Variants in GRAMD1C observed in about 807,000 individuals in gnomAD.
GRAMD1C encodes GRAM domain containing 1C.
Under a neutral mutation model 97.8 loss-of-function variants are expected in GRAMD1C, and 89 were observed. The ratio of observed to expected loss-of-function variants is 0.91; its 90% CI spans 0.77 to 1.09. The LOEUF is 1.09. Among genes scored for constraint, GRAMD1C ranks in the 50% least tolerant of loss-of-function variants. The pLI, the probability that GRAMD1C is intolerant of heterozygous loss-of-function variation, is 0.00. For missense variants in GRAMD1C, 740 were observed against 766.4 expected (o/e 0.97, Z 0.41); for synonymous variants, 256 against 267.0 (o/e 0.96, Z 0.40).
At chr3:113,925,893 C>T (rs887743941) in intron 10 of GRAMD1C, among the ~76,000 whole-genome samples, 2 of 152,160 alleles carry the variant, frequency 1.3e-5, no homozygotes, top group African/African-American at 4.8e-5. Context: ...GAATATAGGC[C>T]CTCAAGCCCT....
At chr3:113,834,927 G>GA (rs1437191185), upstream of GRAMD1C, among the ~76,000 whole-genome samples, 10 of 116,176 alleles carry the variant, frequency 8.6e-5, no homozygotes, top group Admixed American at 4.0e-4. Flanking sequence ...TGACAAAAGT[G>GA]AAACTCCGTC....
intron 5 of GRAMD1C, among the ~76,000 whole-genome samples, chr3:113,878,441 A>G (rs2566976): frequency 0.79 from 120,599 of 152,034 alleles, 48,008 homozygotes; most frequent in Middle Eastern, 0.89. Context: ...ATTGCTATGG[A>G]GTTGGGGGAG....
intron 5 of GRAMD1C, among the ~76,000 whole-genome samples, chr3:113,881,974 T>G (rs1426520692): frequency 6.6e-6 from 1 of 152,178 alleles, no homozygotes; most frequent in Non-Finnish European, 1.5e-5. Context: ...CTTAATAAAA[T>G]AACTTAATCC....
At chr3:113,910,033 C>G (rs913567824) in intron 9 of GRAMD1C, among the ~76,000 whole-genome samples, 2 of 152,076 alleles carry the variant, frequency 1.3e-5, no homozygotes, top group Non-Finnish European at 2.9e-5. Flanking sequence ...GAGGAACATT[C>G]TATATTTGAA....
chr3:113,867,995 C>T (rs191783643), intron 2 of GRAMD1C, among the ~76,000 whole-genome samples: 5 of 152,226 alleles, frequency 3.3e-5, no homozygotes, highest in South Asian at 2.1e-4. Context: ...TTCTGTCCTT[C>T]GAATTTGATA....
At chr3:113,865,775 G>C (rs1399677858) in intron 2 of GRAMD1C, among the ~76,000 whole-genome samples, 1 of 151,748 alleles carries the variant, frequency 6.6e-6, no homozygotes, top group East Asian at 1.9e-4. Context: ...TATTTTTGTG[G>C]CAGCATTTTG....
chr3:113,902,119 A>G (rs776766194), intron 7 of GRAMD1C, among the ~76,000 whole-genome samples: 4 of 152,234 alleles, frequency 2.6e-5, no homozygotes, highest in African/African-American at 4.8e-5. Context: ...TGTGTGGATT[A>G]TATCTTAAAA....
At chr3:113,920,131 G>A (rs990972311) in intron 10 of GRAMD1C, 24 of 1,398,360 alleles carry the variant, frequency 1.7e-5, no homozygotes, top group Admixed American at 3.8e-5. Flanking sequence ...TGAGGAAACA[G>A]AGAAAAAACT....
intron 6 of GRAMD1C, among the ~76,000 whole-genome samples, chr3:113,886,636 A>C (rs759512021): frequency 2.6e-5 from 4 of 152,138 alleles, no homozygotes; most frequent in Non-Finnish European, 4.4e-5. Flanking sequence ...AAAAAAAATA[A>C]ATTAGAAAAA....
At chr3:113,907,239 T>C (rs1936403265) in intron 8 of GRAMD1C, among the ~76,000 whole-genome samples, 1 of 152,200 alleles carries the variant, frequency 6.6e-6, no homozygotes, top group Non-Finnish European at 1.5e-5. Flanking sequence ...CAGTATCTCC[T>C]CTGAGTAAAT....
At position 113,838,850 on chromosome 3, in the gene GRAMD1C, G is replaced by C; in HGVS notation, c.-60G>C. On this transcript the variant is annotated 5_prime_UTR_variant, in exon 1 of 18. Transcript: ENST00000358160. ...AACTCGCAGCGCGCGCTGGAGGTGG[G>C]CGCGGGGCGGTGCGGTGCGGTGCGC... 8.4e-7 allele frequency: 1 copy of C among 1,196,766 alleles called. No homozygotes were observed. Among genetic ancestry groups the C allele is most frequent in the Non-Finnish European group, 1.0e-6 (1 of 957,158 alleles). 74.1% of individuals were successfully genotyped at this position (1,196,766 alleles called of 1,614,324 possible). A position where few individuals can be genotyped will look rare whatever the true frequency, so the allele number is the denominator to read the frequency against.
In GRAMD1C at chr3:113,869,859, T is replaced by G. The variant is rs1934726542; in HGVS notation, c.259+268T>G. Reference sequence around the variant, plus strand: ...GATATGGAATCAACCTAAGTAGCCATCAATGGATGAATGGATAAAGAAATT... The same window carrying G: ...GATATGGAATCAACCTAAGTAGCCAGCAATGGATGAATGGATAAAGAAATT... On this transcript the variant is annotated intron_variant, in intron 3 of 17. Transcript: ENST00000358160. 2.0e-5 allele frequency among the ~76,000 whole-genome samples: 3 copies of G among 152,226 alleles called. No homozygotes were observed. The South Asian group carries it at 6.2e-4, about 32-fold the overall frequency.
intron 4 of GRAMD1C, 123 bp from the exon 5 acceptor site, chr3:113,876,042 G>A (rs1232930754): frequency 6.6e-6 from 4 of 602,030 alleles, no homozygotes; most frequent in East Asian, 2.8e-5. Context: ...CCTTCAAGTC[G>A]AAAAACCTGA....
chr3:113,901,455 G>A (rs1052064485), intron 7 of GRAMD1C, among the ~76,000 whole-genome samples: 1 of 152,192 alleles, frequency 6.6e-6, no homozygotes, highest in South Asian at 2.1e-4. Context: ...ATAGATGACA[G>A]TAAAGTAAAT....
chr3:113,928,323 G>A (rs1004035134), intron 10 of GRAMD1C, among the ~76,000 whole-genome samples: 2 of 152,008 alleles, frequency 1.3e-5, no homozygotes, highest in Non-Finnish European at 2.9e-5. Flanking sequence ...CCCAACCCCC[G>A]ACACTACCTT....
rs34683672 is a variant in GRAMD1C at position 113,886,777 on chromosome 3, G to GTT, written c.540+3967_540+3968dup. Among the ~76,000 whole-genome samples, 701 of 80,032 alleles carry GTT rather than the reference G, an allele frequency of 8.8e-3. 6 individuals are homozygous for GTT. The highest frequency in any genetic ancestry group is 0.014 in the African/African-American group (309 of 21,518). The allele number at this position is 80,032 out of a possible 152,430, so 52.5% of individuals were successfully genotyped here. ...GTTGTTTTTTTTTGTTTGTTTGCTT[G>GTT]TTTTTTTTTTTTTTTTTTTTTTTGA... On this transcript the variant is annotated intron_variant, in intron 6 of 17. Coordinates refer to ENST00000358160, the MANE Select transcript of GRAMD1C (RefSeq NM_017577.5).
chr3:113,943,616 T>G (rs1937912494), intron 17 of GRAMD1C, among the ~76,000 whole-genome samples: 1 of 152,188 alleles, frequency 6.6e-6, no homozygotes, highest in Non-Finnish European at 1.5e-5. Context: ...TTTTTGCTAG[T>G]TAAAAACATC....
At chr3:113,836,997 CATTA>C (rs1017008483), upstream of GRAMD1C, among the ~76,000 whole-genome samples, 4 of 152,120 alleles carry the variant, frequency 2.6e-5, no homozygotes, top group African/African-American at 9.7e-5. Flanking sequence ...ATACATAAAT[CATTA>C]ATTATCCTGT....
chr3:113,880,290 T>C (rs571320596), intron 5 of GRAMD1C, among the ~76,000 whole-genome samples: 2 of 152,338 alleles, frequency 1.3e-5, no homozygotes, highest in South Asian at 4.1e-4. Context: ...GCTATCAGTT[T>C]GGTATATATC....
Sources: allele counts gnomAD v4.1 joint callset (sites outside exome capture counted in the v4.1 genomes callset), GRCh38; gene constraint gnomAD v4.1.1; transcripts MANE v1.5; gene names NCBI Gene and HGNC (gene_info 2026-07-23, HGNC 2026-07-21).